The following EGFLAM variants were observed in gnomAD, a reference collection of about 807,000 sequenced individuals.
EGFLAM encodes the protein pikachurin.
Under a neutral mutation model 113.1 loss-of-function variants are expected in EGFLAM, and 79 were observed. That is an observed-to-expected ratio of 0.70 (90% CI 0.58 to 0.84). The LOEUF (loss-of-function observed/expected upper bound fraction) is 0.84. EGFLAM is among the 40% of genes least tolerant of loss of function. EGFLAM has a pLI of 0.00. For synonymous variants in EGFLAM, 504 were observed against 487.6 expected (o/e 1.03, Z -0.44); for missense variants, 1,265 against 1,291.6 (o/e 0.98, Z 0.32).
chr5:38,385,218 A>T (rs909874162), intron 6 of EGFLAM, among the ~76,000 whole-genome samples: 1 of 151,518 alleles, frequency 6.6e-6, no homozygotes, highest in Non-Finnish European at 1.5e-5. Flanking sequence ...AGTACACACA[A>T]ACATAAACAG....
At chr5:38,267,765 C>A (rs1757668409) in intron 1 of EGFLAM, among the ~76,000 whole-genome samples, 1 of 152,080 alleles carries the variant, frequency 6.6e-6, no homozygotes, top group Non-Finnish European at 1.5e-5. Context: ...GGCAGGAATC[C>A]AGACTGATTA....
chr5:38,328,228 G>C (rs1017279376), intron 1 of EGFLAM, among the ~76,000 whole-genome samples: 1 of 152,156 alleles, frequency 6.6e-6, no homozygotes, highest in African/African-American at 2.4e-5. Context: ...AACACAGGGG[G>C]AAGTGCCTTA....
intron 3 of EGFLAM, among the ~76,000 whole-genome samples, chr5:38,340,723 C>T (rs563994663): frequency 5.3e-5 from 8 of 152,010 alleles, no homozygotes; most frequent in East Asian, 1.9e-4. Flanking sequence ...CAAAGGCAGA[C>T]TCAAGGGAGG....
At chr5:38,334,973 C>T (rs567234649) in intron 1 of EGFLAM, among the ~76,000 whole-genome samples, 1 of 152,248 alleles carries the variant, frequency 6.6e-6, no homozygotes, top group African/African-American at 2.4e-5. Context: ...GGGAGTACTA[C>T]TGTCATTTAG....
At chr5:38,299,275 C>CT (rs1435921111) in intron 1 of EGFLAM, among the ~76,000 whole-genome samples, 2 of 152,158 alleles carry the variant, frequency 1.3e-5, no homozygotes. Context: ...AAAAATACAA[C>CT]TTTTTTTGCC....
At chr5:38,302,456 A>G (rs1247787669) in intron 1 of EGFLAM, among the ~76,000 whole-genome samples, 3 of 152,198 alleles carry the variant, frequency 2.0e-5, no homozygotes, top group African/African-American at 7.2e-5. Flanking sequence ...TATGGGGTCA[A>G]TAATAATGAC....
intron 1 of EGFLAM, among the ~76,000 whole-genome samples, chr5:38,331,120 A>G (rs1342602758): frequency 6.6e-6 from 1 of 152,190 alleles, no homozygotes; most frequent in Non-Finnish European, 1.5e-5. Context: ...TTTCAAATTC[A>G]TAGTAAAATT....
intron 6 of EGFLAM, among the ~76,000 whole-genome samples, chr5:38,397,005 A>AG (rs1454957807): frequency 6.6e-6 from 1 of 152,184 alleles, no homozygotes; most frequent in Non-Finnish European, 1.5e-5. Context: ...GCAACACCCC[A>AG]CAGGGGTTAT....
At chr5:38,391,410 G>GTGTT (rs1554010818) in intron 6 of EGFLAM, among the ~76,000 whole-genome samples, 24,791 of 151,084 alleles carry the variant, frequency 0.16, 2,084 homozygotes, top group African/African-American at 0.18. Flanking sequence ...GTGTGTGTGT[G>GTGTT]TGTGTGTGAT....
intron 12 of EGFLAM, among the ~76,000 whole-genome samples, chr5:38,423,517 C>A (rs1741903589): frequency 6.6e-6 from 1 of 152,158 alleles, no homozygotes; most frequent in South Asian, 2.1e-4. Flanking sequence ...AAATAACATA[C>A]AAGGATCCCG....
At chr5:38,368,981 C>G (rs1277703845) in intron 5 of EGFLAM, among the ~76,000 whole-genome samples, 1 of 152,152 alleles carries the variant, frequency 6.6e-6, no homozygotes, top group Non-Finnish European at 1.5e-5. Flanking sequence ...ACGTTATTAG[C>G]CATTAACACA....
At chr5:38,425,223 G>A in intron 13 of EGFLAM, 131 bp downstream of exon 13, 1 of 1,379,740 alleles carries the variant, frequency 7.2e-7, no homozygotes, top group Non-Finnish European at 9.6e-7. Context: ...CTCTTACCCA[G>A]GCCGGAGTGC....
chr5:38,374,277 C>G lies in EGFLAM; in HGVS notation c.712+3815C>G, dbSNP rs376357358. ...AGGGGAATTGCAATGGAGAAAGAAT[C>G]GTTCACACAAAGCCAGCTATGCAGG... On this transcript the variant is annotated intron_variant, in intron 6 of 21. Transcript: ENST00000322350. Among the ~76,000 whole-genome samples, 5 of 152,260 alleles carry G rather than the reference C, an allele frequency of 3.3e-5. No homozygotes were observed. In the East Asian group the frequency reaches 9.7e-4, roughly 29 times the overall value.
chr5:38,403,642 G>A (rs371200316), intron 6 of EGFLAM: 2 of 800,002 alleles, frequency 2.5e-6, no homozygotes, highest in South Asian at 1.8e-5. Flanking sequence ...GAGCAGGGCA[G>A]TGTGCTATTT....
At chr5:38,343,447 G>A (rs1210332314) in intron 3 of EGFLAM, among the ~76,000 whole-genome samples, 5 of 150,750 alleles carry the variant, frequency 3.3e-5, no homozygotes, top group Non-Finnish European at 7.4e-5. Flanking sequence ...GACTAGCAAT[G>A]GTTCTCAACT....
At chr5:38,347,354 G>A (rs1220901943) in intron 3 of EGFLAM, among the ~76,000 whole-genome samples, 3 of 152,214 alleles carry the variant, frequency 2.0e-5, no homozygotes, top group African/African-American at 7.2e-5. Flanking sequence ...AGGGGAATAA[G>A]AACTTGCTTA....
chr5:38,315,292 G>C (rs144541433), intron 1 of EGFLAM, among the ~76,000 whole-genome samples: 22 of 152,188 alleles, frequency 1.4e-4, no homozygotes, highest in Admixed American at 7.2e-4. Context: ...TACTCCCTGT[G>C]ACATGATTTG....
chr5:38,427,320 C>A (rs911968607), intron 14 of EGFLAM, 68 bp downstream of exon 14: 12 of 1,572,924 alleles, frequency 7.6e-6, no homozygotes, highest in African/African-American at 2.7e-5. Context: ...CAGAAAAAAA[C>A]CAAATCGCCA....
chr5:38,331,744 T>C (rs1896660), intron 1 of EGFLAM, among the ~76,000 whole-genome samples: 56,959 of 151,996 alleles, frequency 0.37, 14,387 homozygotes, highest in African/African-American at 0.72. Context: ...AGCTTCCTTT[T>C]CGTGGCTTGA....
Sources: allele counts gnomAD v4.1 joint callset (sites outside exome capture counted in the v4.1 genomes callset), GRCh38; gene constraint gnomAD v4.1.1; transcripts MANE v1.5; gene names NCBI Gene and HGNC (gene_info 2026-07-23, HGNC 2026-07-21).